The following VIPR2 variants were observed in gnomAD, a reference collection of about 807,000 sequenced individuals.
The protein encoded by VIPR2 is vasoactive intestinal polypeptide receptor 2.
VIPR2 carries 48 observed loss-of-function variants against 58.0 expected under a neutral mutation model. The observed-to-expected ratio is 0.83, with a 90% confidence interval of 0.66 to 1.05. The LOEUF (loss-of-function observed/expected upper bound fraction) is 1.05, where lower values mean the gene tolerates loss of function less well. Among genes scored for constraint, VIPR2 ranks in the 50% least tolerant of loss-of-function variants. The probability of loss-of-function intolerance (pLI) is 0.00; values close to 1 mark genes in which losing one functional copy is unlikely to be tolerated. For missense variants in VIPR2, 534 were observed against 558.0 expected (o/e 0.96, Z 0.43); for synonymous variants, 243 against 235.2 (o/e 1.03, Z -0.30).
Position 159,128,700 on chromosome 7 carries a change from A to C in VIPR2, c.151+13746T>G, listed in dbSNP as rs954813059. On this transcript the variant is annotated intron_variant, in intron 2 of 12. Transcript: ENST00000262178. This position sits in a 1 kb window ranked among gnomAD's most constrained non-coding sequence, Gnocchi z 4.1. Reference sequence around the variant, plus strand: ...AGGAACTCGATCAATGAGTTTCCTCATTTCCAGGAATGCCCTAATTCCTTC... The same window carrying C: ...AGGAACTCGATCAATGAGTTTCCTCCTTTCCAGGAATGCCCTAATTCCTTC... 6.6e-6 allele frequency among the ~76,000 whole-genome samples: 1 copy of C among 152,182 alleles called. No individual in the cohort carries two copies. The highest frequency in any genetic ancestry group is 1.9e-4 in the East Asian group (1 of 5,186).
chr7:159,071,711 A>G (rs1234179508), intron 4 of VIPR2, among the ~76,000 whole-genome samples: 1 of 152,250 alleles, frequency 6.6e-6, no homozygotes, highest in African/African-American at 2.4e-5. Context: ...CATAATATAC[A>G]AAGGAGCCAT....
At chr7:159,138,213 C>T (rs1267313523) in intron 2 of VIPR2, among the ~76,000 whole-genome samples, 1 of 152,214 alleles carries the variant, frequency 6.6e-6, no homozygotes, top group Non-Finnish European at 1.5e-5. Flanking sequence ...GGTCAGTGCC[C>T]ACATGACGCT....
intron 2 of VIPR2, among the ~76,000 whole-genome samples, chr7:159,137,442 C>G (rs147158752): frequency 0.013 from 2,051 of 152,292 alleles, 29 homozygotes; most frequent in South Asian, 0.034. Flanking sequence ...TGCAGTGGTG[C>G]CATCATGGCT....
chr7:159,034,195 GCCGGGA>G lies in VIPR2; in HGVS notation c.971+12_971+17del. The G allele has an allele frequency of 1.2e-6, 2 of 1,612,988 alleles. No individual in the cohort carries two copies. The highest frequency in any genetic ancestry group is 1.7e-6 in the Non-Finnish European group (2 of 1,179,300). On this transcript the variant is annotated intron_variant, in intron 10 of 12. Coordinates refer to ENST00000262178, the MANE Select transcript of VIPR2 (RefSeq NM_003382.5). ...CGGCATCCCCATCAGGGACGGCCAG[GCCGGGA>G]CACACACTCACTTGTACTGAGACTG...
rs147157741 is a variant in VIPR2 at position 159,093,726 on chromosome 7, C to G, written c.357+10031G>C. ...ACCCCGCAGCGTCCCTGGGTCCGGA[C>G]ATGGGAGACCCCGCAGCGTCCCTGG... On this transcript the variant is annotated intron_variant, in intron 4 of 12. Transcript: ENST00000262178. This position sits in a 1 kb window ranked among gnomAD's most constrained non-coding sequence, Gnocchi z 6.7. Among the ~76,000 whole-genome samples the G allele has an allele frequency of 3.7e-4, 42 of 112,088 alleles. 1 individual carries two copies. The highest frequency in any genetic ancestry group is 1.7e-3 in the South Asian group (6 of 3,466). The allele number at this position is 112,088 out of a possible 152,430, so 73.5% of individuals were successfully genotyped here.
chr7:159,119,631 T>A (rs1182341894), intron 2 of VIPR2, among the ~76,000 whole-genome samples: 1 of 152,152 alleles, frequency 6.6e-6, no homozygotes, highest in Non-Finnish European at 1.5e-5. Context: ...ACCAGTCCCA[T>A]CTCCCATGTG....
At chr7:159,143,916 G>A (rs1023625140) in intron 1 of VIPR2, among the ~76,000 whole-genome samples, 15 of 152,238 alleles carry the variant, frequency 9.9e-5, no homozygotes, top group Non-Finnish European at 2.1e-4. Flanking sequence ...AGGGAGTGTG[G>A]CTCGAGCCCC....
chr7:159,038,398 T>A (rs914909503), intron 6 of VIPR2, among the ~76,000 whole-genome samples: 2 of 152,154 alleles, frequency 1.3e-5, no homozygotes, highest in African/African-American at 4.8e-5. Flanking sequence ...TGCACGCGGA[T>A]CTCGTGTGTC....
intron 2 of VIPR2, among the ~76,000 whole-genome samples, chr7:159,115,895 T>C (rs1399740648): frequency 2.0e-5 from 3 of 152,260 alleles, no homozygotes; most frequent in Non-Finnish European, 4.4e-5. Flanking sequence ...TGGGGCCACG[T>C]GCTTCCTTTC....
chr7:159,104,349 C>T (rs1212650092), intron 3 of VIPR2, among the ~76,000 whole-genome samples: 1 of 148,042 alleles, frequency 6.8e-6, no homozygotes, highest in Non-Finnish European at 1.5e-5. Flanking sequence ...GCACCCTCGC[C>T]ACTGACGGTG....
intron 4 of VIPR2, among the ~76,000 whole-genome samples, chr7:159,063,755 A>G (rs575034980): frequency 3.0e-3 from 102 of 34,432 alleles, no homozygotes; most frequent in African/African-American, 0.01. Flanking sequence ...GATCTGGGGG[A>G]CCTGGCGGGG....
chr7:159,041,829 A>G (rs758587916), intron 6 of VIPR2, among the ~76,000 whole-genome samples: 9 of 152,078 alleles, frequency 5.9e-5, no homozygotes, highest in Non-Finnish European at 1.2e-4. Context: ...GGGGATCTGC[A>G]GAGTGAAGCC....
At chr7:159,044,735 T>C (rs914273078) in intron 5 of VIPR2, among the ~76,000 whole-genome samples, 70 of 151,846 alleles carry the variant, frequency 4.6e-4, no homozygotes, top group African/African-American at 1.6e-3. Context: ...AAATGCACAA[T>C]TGAACTAAAA....
At chr7:159,139,521 G>T (rs891119666) in intron 2 of VIPR2, among the ~76,000 whole-genome samples, 1 of 152,224 alleles carries the variant, frequency 6.6e-6, no homozygotes, top group Admixed American at 6.5e-5. Flanking sequence ...AGTGGGGAAT[G>T]ACCTCAAACC....
intron 4 of VIPR2, among the ~76,000 whole-genome samples, chr7:159,101,951 C>G (rs1017757875): frequency 7.2e-6 from 1 of 139,042 alleles, no homozygotes; most frequent in Non-Finnish European, 1.5e-5. Flanking sequence ...ATGAGTCTCA[C>G]GAGATCCGAC....
intron 4 of VIPR2, among the ~76,000 whole-genome samples, chr7:159,082,049 C>T (rs1489376548): frequency 6.6e-6 from 1 of 152,158 alleles, no homozygotes; most frequent in African/African-American, 2.4e-5. Context: ...TTGTGGAAGT[C>T]GGTGTGGCGA....
intron 4 of VIPR2, among the ~76,000 whole-genome samples, chr7:159,069,424 C>T (rs549575168): frequency 2.6e-5 from 4 of 152,202 alleles, no homozygotes; most frequent in Admixed American, 6.5e-5. Flanking sequence ...CTCCTCCTCA[C>T]GTGTGCGGAA....
chr7:159,034,440 A>G (rs1853792488), intron 9 of VIPR2, 136 bp from the exon 10 acceptor site: 1 of 1,260,226 alleles, frequency 7.9e-7, no homozygotes, highest in South Asian at 1.3e-5. Flanking sequence ...GGGGGTCCAC[A>G]TGCCTGAAGA....
At position 159,102,447 on chromosome 7, in the gene VIPR2, C is replaced by CGTCT. The variant is rs536918616; in HGVS notation, c.357+1306_357+1309dup. ...CTTATAAATTACCCAATCTCAGATACGTCTTTATCAGCAGTGTGATAATGA... is the reference window on the plus strand; with the variant it reads ...CTTATAAATTACCCAATCTCAGATACGTCTGTCTTTATCAGCAGTGTGATAATGA... On this transcript the variant is annotated intron_variant, in intron 4 of 12. Coordinates refer to ENST00000262178, the MANE Select transcript of VIPR2 (RefSeq NM_003382.5). Among the ~76,000 whole-genome samples, 13 of 152,360 alleles carry CGTCT rather than the reference C, an allele frequency of 8.5e-5. No homozygotes were observed. The East Asian group carries it at 2.3e-3, about 27-fold the overall frequency.
Sources: gnomAD v4.1 joint callset for allele counts (sites outside exome capture counted in the v4.1 genomes callset) on GRCh38, gnomAD v4.1.1 for gene constraint, Gnocchi (gnomAD v3.1) non-coding constraint, MANE v1.5 for transcripts, NCBI Gene and HGNC (gene_info 2026-07-23, HGNC 2026-07-21) for gene names.